FAM227B: variants seen among roughly 807,000 people sequenced by gnomAD.
FAM227B encodes the protein protein FAM227B.
In FAM227B, 88 loss-of-function variants were observed where a neutral mutation model predicts 73.8. That is an observed-to-expected ratio of 1.19 (90% CI 1.00 to 1.42). FAM227B has a LOEUF of 1.42. Among genes scored for constraint, FAM227B ranks in the 40% most tolerant of loss-of-function variants. The pLI is 0.00. For missense variants in FAM227B, 632 were observed against 590.9 expected (o/e 1.07, Z -0.72); for synonymous variants, 210 against 190.5 (o/e 1.10, Z -0.84).
chr15:49,536,072 C>CAAAAAAAAAAAAAAAAAGAAAAAAAAA (rs2070198014), intron 10 of FAM227B, among the ~76,000 whole-genome samples: 1 of 114,012 alleles, frequency 8.8e-6, no homozygotes, highest in Non-Finnish European at 1.8e-5. Context: ...GGCAATCAGA[C>CAAAAAAAAAAAAAAAAAGAAAAAAAAA]AAAAAAAAAA....
At chr15:49,484,604 A>C in intron 11 of FAM227B, 2 of 549,884 alleles carry the variant, frequency 3.6e-6, no homozygotes, top group Non-Finnish European at 6.1e-6. Flanking sequence ...TTTTTTAGTA[A>C]TCAAGAAAGG....
intron 11 of FAM227B, among the ~76,000 whole-genome samples, chr15:49,445,335 A>C (rs992783810): frequency 6.6e-6 from 1 of 151,584 alleles, no homozygotes. Flanking sequence ...TGAGTATTCA[A>C]TGTTTAGCTC....
intron 9 of FAM227B, among the ~76,000 whole-genome samples, chr15:49,559,256 C>A (rs1268940435): frequency 6.6e-6 from 1 of 152,130 alleles, no homozygotes; most frequent in Non-Finnish European, 1.5e-5. Flanking sequence ...AGGAACTCCT[C>A]CCATTAACCC....
chr15:49,434,390 G>A lies in FAM227B; in HGVS notation c.1013-62991C>T, dbSNP rs1382056374. On this transcript the variant is annotated intron_variant, in intron 11 of 15. Coordinates refer to ENST00000299338, the MANE Select transcript of FAM227B (RefSeq NM_152647.3). ...AGTCCATGCTTTTACAGAATTAACA[G>A]TTGGGAGTCAAGGGAGAACTCCAAG... 2.0e-5 allele frequency: 3 copies of A among 151,450 alleles called. No homozygotes were observed. The East Asian group carries it at 5.8e-4, about 29-fold the overall frequency. 9.4% of individuals were successfully genotyped at this position (151,450 alleles called of 1,614,324 possible).
At position 49,584,656 on chromosome 15, in the gene FAM227B, G is replaced by A. The variant is rs561450767; in HGVS notation, c.405+3360C>T. 7.9e-5 allele frequency among the ~76,000 whole-genome samples: 12 copies of A among 151,994 alleles called. No homozygotes were observed. The South Asian group carries it at 1.2e-3, about 16-fold the overall frequency. ...CCTTAAGCTGATAAACAACTTCAGC[G>A]AAGTCTCAGGATACAAAATTAATGT... On this transcript the variant is annotated intron_variant, in intron 5 of 15. Coordinates refer to ENST00000299338, the MANE Select transcript of FAM227B (RefSeq NM_152647.3).
chr15:49,604,957 G>C (rs2077419548), intron 3 of FAM227B, among the ~76,000 whole-genome samples: 2 of 151,798 alleles, frequency 1.3e-5, no homozygotes, highest in African/African-American at 4.8e-5. Flanking sequence ...TTGTTTTCCT[G>C]ATTTTCTTTG....
chr15:49,525,248 T>C (rs2060077377), intron 10 of FAM227B, among the ~76,000 whole-genome samples: 1 of 152,048 alleles, frequency 6.6e-6, no homozygotes, highest in African/African-American at 2.4e-5. Context: ...CCTGATGTTC[T>C]TGGGATAGTG....
At chr15:49,532,781 T>TA (rs2060708532) in intron 10 of FAM227B, among the ~76,000 whole-genome samples, 1 of 151,950 alleles carries the variant, frequency 6.6e-6, no homozygotes. Context: ...TCTAAGATCA[T>TA]AGAGTCACAC....
At chr15:49,384,207 ACACAGTT>A (rs1282488883) in intron 11 of FAM227B, among the ~76,000 whole-genome samples, 1 of 152,096 alleles carries the variant, frequency 6.6e-6, no homozygotes, top group Non-Finnish European at 1.5e-5. Flanking sequence ...AACATCCATT[ACACAGTT>A]CAAGCCGATT....
rs530809111 is a variant in FAM227B, at chr15:49,577,819, G to A, written c.406-155C>T. Reference sequence around the variant, plus strand: ...AAATACTATTGCTGTGTTTGATATTGGAAATTCAAAGATGGCCTTTGCCCT... The same window carrying A: ...AAATACTATTGCTGTGTTTGATATTAGAAATTCAAAGATGGCCTTTGCCCT... On this transcript the variant is annotated intron_variant, in intron 5 of 15. Transcript: ENST00000299338. Among the ~76,000 whole-genome samples the A allele has an allele frequency of 9.2e-5, 14 of 152,162 alleles. No individual in the cohort carries two copies. The South Asian group carries it at 2.9e-3, about 32-fold the overall frequency.
chr15:49,592,053 T>C (rs2152414502), intron 3 of FAM227B, among the ~76,000 whole-genome samples: 1 of 152,352 alleles, frequency 6.6e-6, no homozygotes, highest in Middle Eastern at 3.4e-3. Context: ...CCACTGTTTA[T>C]TCTAGTTAGC....
At chr15:49,589,105 A>G (rs1221318292) in intron 4 of FAM227B, among the ~76,000 whole-genome samples, 1 of 152,208 alleles carries the variant, frequency 6.6e-6, no homozygotes, top group African/African-American at 2.4e-5. Flanking sequence ...AAAATGTTAT[A>G]CAAATATTGA....
chr15:49,331,948 A>C (rs2038846938), intron 14 of FAM227B, 99 bp from the exon 15 acceptor site: 2 of 742,918 alleles, frequency 2.7e-6, no homozygotes, highest in African/African-American at 1.7e-5. Context: ...TATGCTGGGC[A>C]TTCGTCAAGC....
At chr15:49,600,582 G>A (rs747566720) in intron 3 of FAM227B, among the ~76,000 whole-genome samples, 2 of 150,864 alleles carry the variant, frequency 1.3e-5, no homozygotes, top group African/African-American at 2.4e-5. Flanking sequence ...TTGAACCCGG[G>A]AGGGAGAGGT....
chr15:49,576,754 G>C lies in FAM227B; in HGVS notation c.533C>G (p.Ala178Gly), dbSNP rs374910013. ...ATATTTACATACATCAAAATTATGG[G>C]CTTTTAAAATAAAAAGATAAATTTG... ...AEQIYLFILK[A>G]HNFDERVFKI... The change falls in exon 7 of 16, where the codon GCC becomes GGC. Residue 178 changes from alanine (A) to glycine (G), a missense_variant. Ala to Gly is a moderately conservative substitution (Grantham distance 60). Coordinates refer to ENST00000299338, the MANE Select transcript of FAM227B (RefSeq NM_152647.3). The C allele has an allele frequency of 6.3e-7, 1 of 1,574,856 alleles. No homozygotes were observed. Among genetic ancestry groups the C allele is most frequent in the South Asian group, 1.1e-5 (1 of 89,964 alleles).
chr15:49,454,928 C>G (rs576218269), intron 11 of FAM227B, among the ~76,000 whole-genome samples: 37 of 152,196 alleles, frequency 2.4e-4, no homozygotes, highest in African/African-American at 8.9e-4. Flanking sequence ...TCTTAAAGCA[C>G]TCTCTGCAGG....
At chr15:49,356,475 A>G (rs537503281) in intron 13 of FAM227B, among the ~76,000 whole-genome samples, 42 of 150,080 alleles carry the variant, frequency 2.8e-4, no homozygotes, top group South Asian at 2.4e-3. Flanking sequence ...CAAAGATCAA[A>G]AGAGACAAAG....
intron 10 of FAM227B, among the ~76,000 whole-genome samples, chr15:49,533,091 C>T (rs966000192): frequency 6.6e-6 from 1 of 151,730 alleles, no homozygotes; most frequent in African/African-American, 2.4e-5. Context: ...TGATATGTTG[C>T]TTCCATTTTC....
chr15:49,422,762 A>G, intron 11 of FAM227B: 1 of 1,338,024 alleles, frequency 7.5e-7, no homozygotes, highest in South Asian at 1.3e-5. Flanking sequence ...TATTCAATGA[A>G]TTGTCTCTGT....
Sources: allele counts gnomAD v4.1 joint callset (sites outside exome capture counted in the v4.1 genomes callset), GRCh38; gene constraint gnomAD v4.1.1; transcripts MANE v1.5; gene names NCBI Gene and HGNC (gene_info 2026-07-23, HGNC 2026-07-21).